Variants in CCNE2 observed in about 807,000 individuals in gnomAD.
CCNE2 encodes cyclin E2.
A neutral mutation model predicts 56.8 loss-of-function variants in CCNE2; 18 were observed. The ratio of observed to expected loss-of-function variants is 0.32; its 90% confidence interval spans 0.22 to 0.47. The LOEUF (loss-of-function observed/expected upper bound fraction) is 0.47. Among genes scored for constraint, CCNE2 ranks in the 20% least tolerant of loss-of-function variants. CCNE2 has a pLI of 1.00. For synonymous variants in CCNE2, 139 were observed against 149.2 expected (o/e 0.93, Z 0.50); for missense variants, 371 against 467.1 (o/e 0.79, Z 1.90).
chr8:94,880,341 C>A lies in CCNE2; in HGVS notation c.*1291G>T, dbSNP rs368418645. The A allele has an allele frequency of 6.9e-6, 4 of 581,308 alleles. No individual in the cohort carries two copies. The highest frequency in any genetic ancestry group is 1.2e-5 in the Non-Finnish European group (4 of 330,250). The allele number at this position is 581,308 out of a possible 1,614,324, so 36.0% of individuals were successfully genotyped here. Reference sequence around the variant, plus strand: ...ATATGTACACAATTAGTGGTGTTTTCTTTTCAGACAAAATACTGAAACAAA... The same window carrying A: ...ATATGTACACAATTAGTGGTGTTTTATTTTCAGACAAAATACTGAAACAAA... On this transcript the variant is annotated 3_prime_UTR_variant, in exon 12 of 12. Coordinates refer to ENST00000308108, the MANE Select transcript of CCNE2 (RefSeq NM_057749.3).
intron 10 of CCNE2, among the ~76,000 whole-genome samples, chr8:94,882,504 C>T (rs1362956218): frequency 6.6e-6 from 1 of 152,210 alleles, no homozygotes; most frequent in Non-Finnish European, 1.5e-5. Flanking sequence ...TAACCAGTAC[C>T]TTCTACATAT....
chr8:94,885,010 A>T lies in CCNE2; in HGVS notation c.831+57T>A, dbSNP rs370760945. On this transcript the variant is annotated intron_variant, in intron 9 of 11. Transcript: ENST00000308108. ...TGGTATAGCCTATTTAAGACTATAT[A>T]TACACTAAAACCTGTAATTAATAAC... The T allele has an allele frequency of 6.0e-6, 9 of 1,505,692 alleles. No individual in the cohort carries two copies. The East Asian group carries it at 1.4e-4, about 23-fold the overall frequency. The allele number at this position is 1,505,692 out of a possible 1,614,324, so 93.3% of individuals were successfully genotyped here. A position where few individuals can be genotyped will look rare whatever the true frequency, so the allele number is the denominator to read the frequency against.
Position 94,881,740 on chromosome 8 carries a change from TTCC to T in CCNE2, c.1104_1106del (p.Glu369del). 1 of 1,613,840 alleles carries T rather than the reference TTCC, an allele frequency of 6.2e-7. No homozygotes were observed. Among genetic ancestry groups the T allele is most frequent in the African/African-American group, 1.3e-5 (1 of 75,042 alleles). ...TTCTGAAGGTGTTTATGTAATTTAC[TTCC>T]TCCTATACATGGGAAGAAATCATGC... On this transcript the variant is annotated inframe_deletion and splice_region_variant, in exon 12 of 12. Transcript: ENST00000308108.
At chr8:94,887,463 C>T (rs941770558) in intron 7 of CCNE2, among the ~76,000 whole-genome samples, 1 of 152,046 alleles carries the variant, frequency 6.6e-6, no homozygotes, top group Non-Finnish European at 1.5e-5. Context: ...CAAGATCGCG[C>T]CATTGCACTC....
Position 94,890,972 on chromosome 8 carries a change from T to C in CCNE2, c.318-422A>G, listed in dbSNP as rs754029030. Among the ~76,000 whole-genome samples the C allele has an allele frequency of 9.0e-4, 137 of 152,138 alleles. 3 individuals are homozygous for C. Among genetic ancestry groups the C allele is most frequent in the Non-Finnish European group, 2.8e-4 (19 of 68,024 alleles). On this transcript the variant is annotated intron_variant, in intron 5 of 11. Coordinates refer to ENST00000308108, the MANE Select transcript of CCNE2 (RefSeq NM_057749.3). ...ATAGATAAAATTCAACTTTCAGACA[T>C]TGAAATGCAACTTTTAATTAGAACT...
At chr8:94,895,514 G>A (rs1817470594), upstream of CCNE2, among the ~76,000 whole-genome samples, 1 of 152,174 alleles carries the variant, frequency 6.6e-6, no homozygotes, top group South Asian at 2.1e-4. Flanking sequence ...GTTTGCTTTT[G>A]CTTCCTCCCA....
chr8:94,891,957 G>C, intron 5 of CCNE2: 1 of 1,095,890 alleles, frequency 9.1e-7, no homozygotes, highest in Non-Finnish European at 1.4e-6. Context: ...CTCATGGTCG[G>C]ATTAACTCAC....
chr8:94,880,297 G>T lies in CCNE2; in HGVS notation c.*1335C>A. On this transcript the variant is annotated 3_prime_UTR_variant, in exon 12 of 12. Transcript: ENST00000308108. ...GGGCTAAAAATAAACAGTATTAAAA[G>T]GTTAAGTTTATATAATACATATGTA... is the stretch of plus-strand genomic sequence containing the variant. The T allele has an allele frequency of 1.2e-6, 1 of 864,200 alleles. No homozygotes were observed. 53.5% of individuals were successfully genotyped at this position (864,200 alleles called of 1,614,324 possible).
upstream of CCNE2, chr8:94,895,256 C>A (rs1817451958): frequency 1.0e-6 from 1 of 985,526 alleles, no homozygotes. Flanking sequence ...GCCCCGCACG[C>A]ATGCGCCTCA....
In CCNE2 at chr8:94,891,401, G is replaced by A. The variant is rs538864288; in HGVS notation, c.318-851C>T. On this transcript the variant is annotated intron_variant, in intron 5 of 11. Transcript: ENST00000308108. ...GTGGCCGGCACAGTGGCTCACACCT[G>A]TAATCCCTGCACTTTGGGAGGCCAA... is the stretch of plus-strand genomic sequence containing the variant. 953 of 278,154 alleles carry A rather than the reference G, an allele frequency of 3.4e-3. 2 individuals carry two copies. Among genetic ancestry groups the A allele is most frequent in the Non-Finnish European group, 5.6e-3 (795 of 142,446 alleles). 17.2% of individuals were successfully genotyped at this position (278,154 alleles called of 1,614,324 possible). A position where few individuals can be genotyped will look rare whatever the true frequency, so the allele number is the denominator to read the frequency against.
At chr8:94,889,648 C>CA (rs1817158860) in intron 6 of CCNE2, among the ~76,000 whole-genome samples, 1 of 152,170 alleles carries the variant, frequency 6.6e-6, no homozygotes, top group African/African-American at 2.4e-5. Context: ...GTTCCTCCTC[C>CA]AAAAAGTCTA....
rs1816778926 is a variant in CCNE2 at position 94,880,781 on chromosome 8, T to A, written c.*851A>T. The stretch of plus-strand genomic sequence containing the variant: ...CACTAAATTAAAAAAAAAAATTCCT[T>A]AGGGATATCTTAGAGTAGTAAAGTG... On this transcript the variant is annotated 3_prime_UTR_variant, in exon 12 of 12. Coordinates refer to ENST00000308108, the MANE Select transcript of CCNE2 (RefSeq NM_057749.3). The A allele has an allele frequency of 2.5e-6, 1 of 398,174 alleles. No homozygotes were observed. The highest frequency in any genetic ancestry group is 2.1e-5 in the African/African-American group (1 of 48,590). The allele number at this position is 398,174 out of a possible 1,614,324, so 24.7% of individuals were successfully genotyped here.
intron 6 of CCNE2, among the ~76,000 whole-genome samples, chr8:94,889,564 T>C (rs1021537928): frequency 1.3e-5 from 2 of 152,226 alleles, no homozygotes; most frequent in African/African-American, 4.8e-5. Context: ...AGGAAAAAGA[T>C]GACCTGATGC....
At position 94,885,266 on chromosome 8, in the gene CCNE2, G is replaced by C. The variant is rs1816993104; in HGVS notation, c.697-65C>G. The C allele has an allele frequency of 6.9e-6, 10 of 1,452,024 alleles. No individual in the cohort carries two copies. The Middle Eastern group carries it at 8.8e-4, about 128-fold the overall frequency. The allele number at this position is 1,452,024 out of a possible 1,614,324, so 89.9% of individuals were successfully genotyped here. ...GACACATACACCACATTATACAGCA[G>C]AGCTTAGAGGTTAAGTACATTCCCC... On this transcript the variant is annotated intron_variant, in intron 8 of 11. Transcript: ENST00000308108.
At position 94,894,068 on chromosome 8, in the gene CCNE2, G is replaced by A. The variant is rs750532180; in HGVS notation, c.66C>T (p.Pro22=). 8.7e-6 allele frequency: 14 copies of A among 1,613,750 alleles called. No individual in the cohort carries two copies. In the South Asian group the frequency reaches 1.2e-4, roughly 14 times the overall value. ...TGGCCTGGATTATCTGGGCTTCTTG[G>A]GGGGATTCCGTCTGGCTGGGCTGGG... ...QQPQPSQTES[P]QEAQIIQAKK... is the part of the protein sequence containing the mutation. Residue 22 remains proline (P), a synonymous_variant, in exon 3 of 12, where the codon CCC becomes CCT. Transcript: ENST00000308108.
chr8:94,890,661 T>C (rs543446808), intron 5 of CCNE2, 111 bp from the exon 6 acceptor site: 3,961 of 257,296 alleles, frequency 0.015, 69 homozygotes, highest in African/African-American at 0.023. Context: ...GGCACAATCT[T>C]GGCTCACTGT....
At chr8:94,895,315 C>T, upstream of CCNE2, 4 of 949,392 alleles carry the variant, frequency 4.2e-6, no homozygotes, top group Non-Finnish European at 5.0e-6. Flanking sequence ...CGTCCGCCCG[C>T]GTGCCCGCGC....
intron 5 of CCNE2, chr8:94,891,449 A>C (rs1156366515): frequency 3.5e-6 from 1 of 284,764 alleles, no homozygotes; most frequent in Non-Finnish European, 6.8e-6. Context: ...ACTTAAGGTC[A>C]GGAGTTCGAG....
chr8:94,891,748 G>A (rs1817252919), intron 5 of CCNE2: 8 of 974,680 alleles, frequency 8.2e-6, no homozygotes, highest in Middle Eastern at 3.1e-4. Context: ...TTACAATGGT[G>A]GAGTTGGTAG....
Sources: gnomAD v4.1 joint callset for allele counts (sites outside exome capture counted in the v4.1 genomes callset) on GRCh38, gnomAD v4.1.1 for gene constraint, MANE v1.5 for transcripts, NCBI Gene and HGNC (gene_info 2026-07-23, HGNC 2026-07-21) for gene names.